RYR2: variants seen among roughly 807,000 people sequenced by gnomAD.
RYR2 encodes the protein cardiac muscle ryanodine receptor-calcium release channel.
In RYR2, 227 loss-of-function variants were observed where a neutral mutation model predicts 601.1. That is an observed-to-expected ratio of 0.38 (90% confidence interval 0.34 to 0.42). The LOEUF is 0.42. RYR2 is among the 10% of genes least tolerant of loss of function. The pLI is 1.00. For missense variants in RYR2, 4,646 were observed against 6,156.5 expected (o/e 0.75, Z 8.21); for synonymous variants, 2,223 against 2,175.1 (o/e 1.02, Z -0.61).
Position 237,439,523 on chromosome 1 carries a change from C to T in RYR2, c.1006-1796C>T, listed in dbSNP as rs545533414. On this transcript the variant is annotated intron_variant, in intron 12 of 104. Transcript: ENST00000366574. ...GCAGGGTGTGGTGGTGGGCGCCTGT[C>T]GTCCCAGCTACTCGGGAGGCTGAGA... is the stretch of plus-strand genomic sequence containing the variant. Among the ~76,000 whole-genome samples the T allele has an allele frequency of 1.3e-4, 19 of 151,620 alleles. No individual in the cohort carries two copies. The South Asian group carries it at 3.5e-3, about 28-fold the overall frequency.
intron 10 of RYR2, among the ~76,000 whole-genome samples, chr1:237,404,068 A>G (rs1473112464): frequency 6.6e-6 from 1 of 152,168 alleles, no homozygotes; most frequent in Non-Finnish European, 1.5e-5. Flanking sequence ...AGCCTGGGAA[A>G]CATGGCGAAA....
At chr1:237,530,172 G>A (rs1195385275) in intron 24 of RYR2, among the ~76,000 whole-genome samples, 10 of 152,040 alleles carry the variant, frequency 6.6e-5, no homozygotes, top group Admixed American at 1.3e-4. Context: ...TTAGCCGGGT[G>A]TGGTGGCGGG....
At position 237,185,406 on chromosome 1, in the gene RYR2, G is replaced by A. The variant is rs549820867; in HGVS notation, c.49-85091G>A. Among the ~76,000 whole-genome samples the A allele has an allele frequency of 3.9e-5, 6 of 152,288 alleles. No individual in the cohort carries two copies. In the East Asian group the frequency reaches 5.8e-4, roughly 15 times the overall value. ...GGCATATTTTTCAATATTGGCTTTA[G>A]TTAAATTTTGTGCTCCATATATCTA... On this transcript the variant is annotated intron_variant, in intron 1 of 104. Transcript: ENST00000366574.
At position 237,202,041 on chromosome 1, in the gene RYR2, G is replaced by A. The variant is rs914500294; in HGVS notation, c.49-68456G>A. 1.3e-5 allele frequency among the ~76,000 whole-genome samples: 2 copies of A among 152,174 alleles called. 1 individual carries two copies. Among genetic ancestry groups the A allele is most frequent in the Admixed American group, 1.3e-4 (2 of 15,278 alleles). On this transcript the variant is annotated intron_variant, in intron 1 of 104. Transcript: ENST00000366574. ...ATAAAATGTTCGTAGAGAAATGGGA[G>A]AAATAGGGCTGGGGTAGACAGAAAC...
At chr1:237,474,008 A>C (rs1558879546) in intron 17 of RYR2, among the ~76,000 whole-genome samples, 1 of 152,072 alleles carries the variant, frequency 6.6e-6, no homozygotes, top group South Asian at 2.1e-4. Context: ...GAGGAAAAAA[A>C]GCTGATGAAT....
At chr1:237,735,096 G>T (rs1463417305) in intron 79 of RYR2, among the ~76,000 whole-genome samples, 1 of 152,154 alleles carries the variant, frequency 6.6e-6, no homozygotes, top group East Asian at 1.9e-4. Flanking sequence ...TTATTGTGTG[G>T]TCACCAAAAT....
intron 10 of RYR2, among the ~76,000 whole-genome samples, chr1:237,390,981 C>T (rs1018434493): frequency 6.6e-6 from 1 of 152,110 alleles, no homozygotes; most frequent in Non-Finnish European, 1.5e-5. Flanking sequence ...GAAAATGAGT[C>T]AGCAGTAGGC....
intron 16 of RYR2, among the ~76,000 whole-genome samples, chr1:237,457,317 G>A (rs939093293): frequency 4.6e-5 from 7 of 152,156 alleles, no homozygotes; most frequent in Non-Finnish European, 1.0e-4. Context: ...TTGATTAAGC[G>A]ACAGTTGCTG....
rs535684102 is a variant in RYR2 at position 237,697,790 on chromosome 1, G to A, written c.9068-1175G>A. Among the ~76,000 whole-genome samples, 47 of 151,794 alleles carry A rather than the reference G, an allele frequency of 3.1e-4. 1 individual carries two copies. The highest frequency in any genetic ancestry group is 5.4e-4 in the Non-Finnish European group (37 of 67,934). On this transcript the variant is annotated intron_variant, in intron 63 of 104. Transcript: ENST00000366574. Reference sequence around the variant, plus strand: ...AGCCCCAGAGCTGGCATCTGCCAATGGACAGGAAAATAAAAAATCCTACCA... The same window carrying A: ...AGCCCCAGAGCTGGCATCTGCCAATAGACAGGAAAATAAAAAATCCTACCA...
chr1:237,129,279 A>G (rs1207646823), intron 1 of RYR2, among the ~76,000 whole-genome samples: 2 of 152,216 alleles, frequency 1.3e-5, no homozygotes, highest in Non-Finnish European at 2.9e-5. Context: ...TGCTTCATGT[A>G]TTGATGGACT....
intron 24 of RYR2, among the ~76,000 whole-genome samples, chr1:237,513,305 C>A (rs190304627): frequency 1.3e-5 from 2 of 152,204 alleles, no homozygotes; most frequent in African/African-American, 4.8e-5. Flanking sequence ...TGATGTCCTA[C>A]AGAACTGGAT....
At chr1:237,070,818 T>C (rs74146701) in intron 1 of RYR2, among the ~76,000 whole-genome samples, 2,960 of 152,346 alleles carry the variant, frequency 0.019, 93 homozygotes, top group African/African-American at 0.068. Context: ...TGCAAGTGGC[T>C]TCTGCTGTGG....
intron 2 of RYR2, among the ~76,000 whole-genome samples, chr1:237,328,620 C>G (rs779241552): frequency 6.6e-6 from 1 of 151,190 alleles, no homozygotes; most frequent in Non-Finnish European, 1.5e-5. Flanking sequence ...AAAAACAAAA[C>G]AGAACAAAAC....
At chr1:237,419,720 A>G (rs1019402884) in intron 11 of RYR2, among the ~76,000 whole-genome samples, 10 of 152,182 alleles carry the variant, frequency 6.6e-5, no homozygotes, top group African/African-American at 2.4e-4. Context: ...GGAAAGTAGG[A>G]GATTCATATG....
rs3820572 is a variant in RYR2 at position 237,602,357 on chromosome 1, G to A, written c.4683+246G>A. 0.19 allele frequency among the ~76,000 whole-genome samples: 29,471 copies of A among 151,762 alleles called. 3,284 individuals carry two copies. The highest frequency in any genetic ancestry group is 0.47 in the East Asian group (2,422 of 5,154). On this transcript the variant is annotated intron_variant, in intron 35 of 104. Coordinates refer to ENST00000366574, the MANE Select transcript of RYR2 (RefSeq NM_001035.3). ...AAAGGCCTATAGAAAAAAAAATGCC[G>A]AGATTACACACATTGCAGCAGTCAT...
Position 237,071,412 on chromosome 1 carries a change from C to T in RYR2, c.48+28843C>T, listed in dbSNP as rs568512244. On this transcript the variant is annotated intron_variant, in intron 1 of 104. Transcript: ENST00000366574. Reference sequence around the variant, plus strand: ...CTAATTTTTCTATTTTTAGTAGAGACAAGGTTTCACTATGTTGGCCAGGCT... The same window carrying T: ...CTAATTTTTCTATTTTTAGTAGAGATAAGGTTTCACTATGTTGGCCAGGCT... Among the ~76,000 whole-genome samples, 15 of 152,130 alleles carry T rather than the reference C, an allele frequency of 9.9e-5. No individual in the cohort carries two copies. In the East Asian group the frequency reaches 2.7e-3, roughly 27 times the overall value.
intron 6 of RYR2, among the ~76,000 whole-genome samples, chr1:237,372,532 A>T (rs1334044886): frequency 4.6e-5 from 7 of 152,258 alleles, no homozygotes; most frequent in African/African-American, 1.7e-4. Flanking sequence ...AAAACAACAT[A>T]AAACAGTTTC....
chr1:237,103,841 T>C (rs1311164338), intron 1 of RYR2, among the ~76,000 whole-genome samples: 1 of 152,200 alleles, frequency 6.6e-6, no homozygotes, highest in East Asian at 1.9e-4. Context: ...AGTGTTGGGA[T>C]TACAGGCGTG....
At chr1:237,646,585 G>T (rs1682183001) in intron 48 of RYR2, among the ~76,000 whole-genome samples, 1 of 152,172 alleles carries the variant, frequency 6.6e-6, no homozygotes, top group African/African-American at 2.4e-5. Flanking sequence ...TGTCTCTAAA[G>T]AATGATATTT....
Sources: gnomAD v4.1 joint callset for allele counts (sites outside exome capture counted in the v4.1 genomes callset) on GRCh38, gnomAD v4.1.1 for gene constraint, MANE v1.5 for transcripts, NCBI Gene and HGNC (gene_info 2026-07-23, HGNC 2026-07-21) for gene names.